PTPN23: variants seen among roughly 807,000 people sequenced by gnomAD.
PTPN23 encodes the protein tyrosine-protein phosphatase non-receptor type 23.
PTPN23 carries 72 observed loss-of-function variants against 156.3 expected under a neutral mutation model. The observed-to-expected ratio is 0.46, with a 90% CI of 0.38 to 0.56. The LOEUF (loss-of-function observed/expected upper bound fraction) is 0.56, where lower values mean the gene tolerates loss of function less well. Ranked by LOEUF, PTPN23 falls within the 20% of genes least tolerant of loss-of-function variation. PTPN23 has a pLI of 0.00. For missense variants in PTPN23, 1,974 were observed against 2,171.5 expected, an observed-to-expected ratio of 0.91 and a Z score of 1.81; for synonymous variants, 957 against 899.6, an observed-to-expected ratio of 1.06 and a Z score of -1.14.
Position 47,381,150 on chromosome 3 carries a change from T to C in PTPN23, c.54T>C (p.Gly18=), listed in dbSNP as rs779284041. 3 of 1,592,508 alleles carry C rather than the reference T, an allele frequency of 1.9e-6. No individual in the cohort carries two copies. Among genetic ancestry groups the C allele is most frequent in the Non-Finnish European group, 1.7e-6 (2 of 1,170,142 alleles). Residue 18 remains glycine (G), a synonymous_variant, in exon 1 of 25, where the codon GGT becomes GGC. Transcript: ENST00000265562. ...PMIWLDLKEA[G]DFHFQPAVKK... Reference sequence around the variant, plus strand: ...TCTGGCTGGACCTGAAGGAGGCCGGTGACTTTCACTTCCAGCCAGCTGTGA... The same window carrying C: ...TCTGGCTGGACCTGAAGGAGGCCGGCGACTTTCACTTCCAGCCAGCTGTGA...
chr3:47,412,516 G>GCTT lies in PTPN23; in HGVS notation c.4321_4322insTTC (p.Leu1440dup), dbSNP rs761768254. ...CCTGGCCAAATGCACCTGTGCAGCT[G>GCTT]CACCTCAGGTTCTGCTATGAGGCAG... is the stretch of plus-strand genomic sequence containing the variant. On this transcript the variant is annotated inframe_insertion, in exon 24 of 25. Transcript: ENST00000265562. 4 of 1,613,166 alleles carry GCTT rather than the reference G, an allele frequency of 2.5e-6. No individual in the cohort carries two copies. Among genetic ancestry groups the GCTT allele is most frequent in the Non-Finnish European group, 3.4e-6 (4 of 1,179,830 alleles).
In PTPN23 at chr3:47,413,213, C is replaced by G. The variant is rs1355172663; in HGVS notation, c.*28C>G. The G allele has an allele frequency of 6.3e-7, 1 of 1,584,402 alleles. No homozygotes were observed. The highest frequency in any genetic ancestry group is 2.2e-5 in the East Asian group (1 of 44,532). On this transcript the variant is annotated 3_prime_UTR_variant, in exon 25 of 25. Coordinates refer to ENST00000265562, the MANE Select transcript of PTPN23 (RefSeq NM_015466.4). ...AGGTTTTGCCTACCTGGTCCTTACACTACATCATCATCATCTCATGCCCAC... is the reference window on the plus strand; with the variant it reads ...AGGTTTTGCCTACCTGGTCCTTACAGTACATCATCATCATCTCATGCCCAC...
Position 47,405,755 on chromosome 3 carries a change from T to G in PTPN23, c.371T>G (p.Leu124Arg). 6.3e-7 allele frequency: 1 copy of G among 1,598,650 alleles called. No individual in the cohort carries two copies. The highest frequency in any genetic ancestry group is 1.3e-5 in the African/African-American group (1 of 74,558). ...CTGTCCCCTCCCTCCCCAGGAGCGC[T>G]GCACTCCATGCTGGGGGCCATGGAC... The part of the protein sequence containing the change: ...QACILYNLGA[L>R]HSMLGAMDKR... The change falls in exon 5 of 25, where the codon CTG becomes CGG. Residue 124 changes from leucine to arginine, a missense_variant. Transcript: ENST00000265562. The surrounding 1 kb of genome is among the most constrained non-coding windows in gnomAD (Gnocchi z 4.7).
rs762706740 is a variant in PTPN23 at position 47,411,348 on chromosome 3, C to G, written c.3550C>G (p.Gln1184Glu). The change falls in exon 20 of 25, where the codon CAG becomes GAG. Residue 1184 changes from glutamine to glutamate, a missense_variant. By Grantham distance (29) the Gln-to-Glu change is conservative. This residue lies in a region of PTPN23 where 731 missense variants were observed against 669.1 expected (regional missense o/e 1.09). Coordinates refer to ENST00000265562, the MANE Select transcript of PTPN23 (RefSeq NM_015466.4). The surrounding 1 kb of genome is among the most constrained non-coding windows in gnomAD (Gnocchi z 6.3). ...LQQELEAFRG[Q>E]LGDVGALDTV... Reference sequence around the variant, plus strand: ...GCAGGAGCTGGAGGCCTTTCGGGGTCAGCTGGGGGATGTGGGAGCTCTGGA... The same window carrying G: ...GCAGGAGCTGGAGGCCTTTCGGGGTGAGCTGGGGGATGTGGGAGCTCTGGA... 1.2e-6 allele frequency: 2 copies of G among 1,612,832 alleles called. No homozygotes were observed. The highest frequency in any genetic ancestry group is 1.7e-6 in the Non-Finnish European group (2 of 1,180,030).
chr3:47,408,977 C>T lies in PTPN23; in HGVS notation c.1532C>T (p.Thr511Ile). The change falls in exon 16 of 25, where the codon ACC becomes ATC. Residue 511 changes from threonine to isoleucine, a missense_variant. Thr to Ile is a moderately conservative substitution (Grantham distance 89, BLOSUM62 -1). Coordinates refer to ENST00000265562, the MANE Select transcript of PTPN23 (RefSeq NM_015466.4). Reference sequence around the variant, plus strand: ...GAAGTCCATGAGAAGGCCTCCTTCACCAACAGTGAGCTGCACCGTGCCATG... The same window carrying T: ...GAAGTCCATGAGAAGGCCTCCTTCATCAACAGTGAGCTGCACCGTGCCATG... ...YMEVHEKASF[T>I]NSELHRAMNL... The T allele has an allele frequency of 6.2e-7, 1 of 1,614,186 alleles. No individual in the cohort carries two copies. Among genetic ancestry groups the T allele is most frequent in the Non-Finnish European group, 8.5e-7 (1 of 1,180,032 alleles).
At position 47,405,665 on chromosome 3, in the gene PTPN23, G is replaced by A. The variant is rs115759821; in HGVS notation, c.365-84G>A. 1.7e-5 allele frequency: 24 copies of A among 1,381,538 alleles called. No homozygotes were observed. In the African/African-American group the frequency reaches 2.3e-4, roughly 13 times the overall value. 85.6% of individuals were successfully genotyped at this position (1,381,538 alleles called of 1,614,324 possible). A position where few individuals can be genotyped will look rare whatever the true frequency, so the allele number is the denominator to read the frequency against. On this transcript the variant is annotated intron_variant, in intron 4 of 24. Coordinates refer to ENST00000265562, the MANE Select transcript of PTPN23 (RefSeq NM_015466.4). The surrounding 1 kb of genome is among the most constrained non-coding windows in gnomAD (Gnocchi z 4.7). ...CTCAGAGCCATGTTGTCCTGATTGT[G>A]GATAACAGCAGTGCCCCCTCTGTCT...
Position 47,392,228 on chromosome 3 carries a change from C to G in PTPN23, c.85-3915C>G, listed in dbSNP as rs564567631. 2.0e-5 allele frequency among the ~76,000 whole-genome samples: 3 copies of G among 152,228 alleles called. No individual in the cohort carries two copies. The East Asian group carries it at 5.8e-4, about 29-fold the overall frequency. On this transcript the variant is annotated intron_variant, in intron 1 of 24. Coordinates refer to ENST00000265562, the MANE Select transcript of PTPN23 (RefSeq NM_015466.4). ...ACAGACAGGGTCTCACTCTGACACC[C>G]CAGCTGAAGTAAGGTGGTGCCATCA...
At position 47,409,952 on chromosome 3, in the gene PTPN23, A is replaced by C; in HGVS notation, c.2154A>C (p.Pro718=). Residue 718 remains proline (P), a synonymous_variant, in exon 20 of 25, where the codon CCA becomes CCC. Coordinates refer to ENST00000265562, the MANE Select transcript of PTPN23 (RefSeq NM_015466.4). The part of the protein sequence containing the change: ...LDRELKKKPP[P]RPTAPKPLLP... Reference sequence around the variant, plus strand: ...GGGAGCTGAAGAAGAAGCCGCCGCCACGGCCCACAGCCCCAAAGCCGCTGC... The same window carrying C: ...GGGAGCTGAAGAAGAAGCCGCCGCCCCGGCCCACAGCCCCAAAGCCGCTGC... 1 of 1,570,134 alleles carries C rather than the reference A, an allele frequency of 6.4e-7. No individual in the cohort carries two copies. The highest frequency in any genetic ancestry group is 1.2e-5 in the South Asian group (1 of 84,038).
chr3:47,409,759 A>T lies in PTPN23; in HGVS notation c.2054A>T (p.Lys685Met). 1.2e-6 allele frequency: 2 copies of T among 1,607,848 alleles called. No individual in the cohort carries two copies. Among genetic ancestry groups the T allele is most frequent in the East Asian group, 4.5e-5 (2 of 44,858 alleles). The change falls in exon 19 of 25, where the codon AAG becomes ATG. Residue 685 changes from lysine to methionine, a missense_variant. This residue lies in a region of PTPN23 where 726 missense variants were observed against 929.5 expected (regional missense o/e 0.78). Transcript: ENST00000265562. Reference sequence around the variant, plus strand: ...GACTTCTACGCAGATCTGGAGAGCAAGGTGGCTGCTCTGCTGGAGCGCACG... The same window carrying T: ...GACTTCTACGCAGATCTGGAGAGCATGGTGGCTGCTCTGCTGGAGCGCACG... ...GRDFYADLES[K>M]VAALLERTQS...
intron 2 of PTPN23, among the ~76,000 whole-genome samples, chr3:47,400,887 A>C (rs1704980280): frequency 6.7e-6 from 1 of 148,598 alleles, no homozygotes; most frequent in Non-Finnish European, 1.5e-5. Context: ...ATTTTATTTT[A>C]TTTTATTTAT....
intron 19 of PTPN23, 47 bp downstream of exon 19, chr3:47,409,881 T>C (rs767339751): frequency 7.3e-5 from 116 of 1,585,168 alleles, no homozygotes; most frequent in Non-Finnish European, 8.5e-5. Flanking sequence ...CCAGACAGGC[T>C]GGGGTGATGG....
chr3:47,399,818 T>A (rs1704955899), intron 2 of PTPN23, among the ~76,000 whole-genome samples: 1 of 152,114 alleles, frequency 6.6e-6, no homozygotes. Flanking sequence ...GATCACTGTT[T>A]TTTTTGTTTT....
rs1274058025 is a variant in PTPN23, at chr3:47,411,761, TCTTGG to T, written c.3889-18_3889-14del. 1 of 1,596,846 alleles carries T rather than the reference TCTTGG, an allele frequency of 6.3e-7. No individual in the cohort carries two copies. ...AGGGGATCCTGGAAAACCAGGTCTG[TCTTGG>T]CTTATCTGTCCCTCAGCAAAAAGTG... On this transcript the variant is annotated splice_polypyrimidine_tract_variant and intron_variant, in intron 20 of 24. Transcript: ENST00000265562. This position sits in a 1 kb window ranked among gnomAD's most constrained non-coding sequence, Gnocchi z 6.3.
chr3:47,383,884 T>C (rs1480573813), intron 1 of PTPN23, among the ~76,000 whole-genome samples: 1 of 152,122 alleles, frequency 6.6e-6, no homozygotes, highest in African/African-American at 2.4e-5. Context: ...CTGGGGACTC[T>C]TCCCAACCTG....
In PTPN23 at chr3:47,406,991, C is replaced by A; in HGVS notation, c.808-139C>A. 1 of 1,206,394 alleles carries A rather than the reference C, an allele frequency of 8.3e-7. No homozygotes were observed. The allele number at this position is 1,206,394 out of a possible 1,614,324, so 74.7% of individuals were successfully genotyped here. A position where few individuals can be genotyped will look rare whatever the true frequency, so the allele number is the denominator to read the frequency against. ...TGGGGCAGGGTGTGGCGCCACCTTG[C>A]TGCTGTTGGCTGGGGTGGTGCCCGG... On this transcript the variant is annotated intron_variant, in intron 9 of 24. Coordinates refer to ENST00000265562, the MANE Select transcript of PTPN23 (RefSeq NM_015466.4). This position sits in a 1 kb window ranked among gnomAD's most constrained non-coding sequence, Gnocchi z 5.8.
intron 1 of PTPN23, among the ~76,000 whole-genome samples, chr3:47,391,812 G>A (rs548686316): frequency 6.6e-6 from 1 of 152,142 alleles, no homozygotes; most frequent in East Asian, 1.9e-4. Context: ...TTACTGCAAG[G>A]GAGTTAACCA....
In PTPN23 at chr3:47,410,664, C is replaced by G. The variant is rs1173647205; in HGVS notation, c.2866C>G (p.Gln956Glu). Residue 956 changes from glutamine (Q) to glutamate (E), a missense_variant, in exon 20 of 25, where the codon CAG (glutamine) becomes GAG (glutamate). Gln to Glu is a conservative substitution (Grantham distance 29, BLOSUM62 2). Transcript: ENST00000265562. Reference sequence around the variant, plus strand: ...AGCCCCAAGGATTGGGCCCCAGCCCCAGCCCCATCCTCAGCCCCATCCTTC... The same window carrying G: ...AGCCCCAAGGATTGGGCCCCAGCCCGAGCCCCATCCTCAGCCCCATCCTTC... ...FPAPRIGPQP[Q>E]PHPQPHPSQA... is the part of the protein sequence containing the mutation. 6.2e-7 allele frequency: 1 copy of G among 1,603,838 alleles called. No individual in the cohort carries two copies. Among genetic ancestry groups the G allele is most frequent in the Non-Finnish European group, 8.5e-7 (1 of 1,172,398 alleles).
rs1559528907 is a variant in PTPN23 at position 47,410,933 on chromosome 3, C to T, written c.3135C>T (p.Pro1045=). The T allele has an allele frequency of 2.5e-6, 4 of 1,610,384 alleles. No homozygotes were observed. The highest frequency in any genetic ancestry group is 1.7e-4 in the Middle Eastern group (1 of 6,052). Residue 1045 remains proline, a synonymous_variant, in exon 20 of 25, where the codon CCC becomes CCT. Transcript: ENST00000265562. ...CCAGCCCTGGGCCCCCTCAGCCTCCCCATCCCCCACTGGCATATGGTCCTG... is the reference window on the plus strand; with the variant it reads ...CCAGCCCTGGGCCCCCTCAGCCTCCTCATCCCCCACTGGCATATGGTCCTG... ...PFPSPGPPQP[P]HPPLAYGPAP... is the part of the protein sequence containing the mutation.
chr3:47,413,418 A>C lies in PTPN23; in HGVS notation c.*233A>C, dbSNP rs1489544427. On this transcript the variant is annotated 3_prime_UTR_variant, in exon 25 of 25. Coordinates refer to ENST00000265562, the MANE Select transcript of PTPN23 (RefSeq NM_015466.4). ...TTCAGCTCTTTGCTATTGAAATAATAAACCACCCTGTTCTGTGGCCCGTGT... is the reference window on the plus strand; with the variant it reads ...TTCAGCTCTTTGCTATTGAAATAATCAACCACCCTGTTCTGTGGCCCGTGT... 5.1e-6 allele frequency: 3 copies of C among 587,880 alleles called. No individual in the cohort carries two copies. In the African/African-American group the frequency reaches 5.6e-5, roughly 11 times the overall value. 36.4% of individuals were successfully genotyped at this position (587,880 alleles called of 1,614,324 possible). A position where few individuals can be genotyped will look rare whatever the true frequency, so the allele number is the denominator to read the frequency against.
Sources: allele counts gnomAD v4.1 joint callset (sites outside exome capture counted in the v4.1 genomes callset), GRCh38; gene constraint gnomAD v4.1.1; regional missense constraint gnomAD v4.1.1; non-coding constraint Gnocchi (gnomAD v3.1); transcripts MANE v1.5; gene names NCBI Gene and HGNC (gene_info 2026-07-23, HGNC 2026-07-21).